The following VAV3 variants were observed in gnomAD, a reference collection of about 807,000 sequenced individuals.
The protein encoded by VAV3 is guanine nucleotide exchange factor VAV3.
In VAV3, 94 loss-of-function variants were observed where a neutral mutation model predicts 131.2. The ratio of observed to expected loss-of-function variants is 0.72; its 90% CI spans 0.61 to 0.85. VAV3 has a LOEUF of 0.85. Ranked by LOEUF, VAV3 falls within the 40% of genes least tolerant of loss-of-function variation. VAV3 has a pLI of 0.00. For synonymous variants in VAV3, 349 were observed against 342.0 expected (o/e 1.02, Z -0.22); for missense variants, 939 against 1,002.7 (o/e 0.94, Z 0.86).
intron 1 of VAV3, among the ~76,000 whole-genome samples, chr1:107,908,356 A>G (rs979406403): frequency 2.6e-5 from 4 of 152,150 alleles, no homozygotes; most frequent in Non-Finnish European, 5.9e-5. Flanking sequence ...GTGGCTTCCT[A>G]TGATTCTCTC....
intron 2 of VAV3, among the ~76,000 whole-genome samples, chr1:107,830,594 T>A (rs1668205708): frequency 6.6e-6 from 1 of 152,102 alleles, no homozygotes; most frequent in Non-Finnish European, 1.5e-5. Context: ...CTATAAAACA[T>A]CCCTCCAGCC....
chr1:107,613,413 C>T (rs972201313), intron 21 of VAV3, among the ~76,000 whole-genome samples: 4 of 152,072 alleles, frequency 2.6e-5, no homozygotes, highest in Admixed American at 2.0e-4. Context: ...TCTCTCTTAA[C>T]TGCTCCTTGA....
rs1663582259 is a variant in VAV3, at chr1:107,749,625, AAAT to A, written c.1260-34_1260-32del. 9 of 1,604,328 alleles carry A rather than the reference AAAT, an allele frequency of 5.6e-6. No individual in the cohort carries two copies. The Middle Eastern group carries it at 6.6e-4, about 118-fold the overall frequency. On this transcript the variant is annotated intron_variant, in intron 13 of 26. Transcript: ENST00000370056. The stretch of plus-strand genomic sequence containing the variant: ...AAAAAGAGATTGATTGATTGATTTT[AAAT>A]GGTTTAGAAACATGGGTTATTAATT...
At chr1:107,772,882 T>A (rs1360000006) in intron 4 of VAV3, 39 bp from the exon 5 acceptor site, 2 of 1,525,180 alleles carry the variant, frequency 1.3e-6, no homozygotes, top group Non-Finnish European at 1.8e-6. Context: ...TTTTCTATTA[T>A]GCAGTAAATG....
At chr1:107,724,630 G>C (rs561973987) in intron 15 of VAV3, among the ~76,000 whole-genome samples, 1 of 152,222 alleles carries the variant, frequency 6.6e-6, no homozygotes, top group South Asian at 2.1e-4. Flanking sequence ...ATAGGATGGG[G>C]GGTGGCACAG....
In VAV3 at chr1:107,606,763, A is replaced by G. The variant is rs868572988; in HGVS notation, c.2015+3168T>C. ...TCTCTTAATTTTGAAGATGTAAATAAAAGTTTTTTTAAGGTGTCTGCTCAC... is the reference window on the plus strand; with the variant it reads ...TCTCTTAATTTTGAAGATGTAAATAGAAGTTTTTTTAAGGTGTCTGCTCAC... On this transcript the variant is annotated intron_variant, in intron 22 of 26. Coordinates refer to ENST00000370056, the MANE Select transcript of VAV3 (RefSeq NM_006113.5). 2.7e-5 allele frequency among the ~76,000 whole-genome samples: 4 copies of G among 150,666 alleles called. No individual in the cohort carries two copies. The South Asian group carries it at 6.2e-4, about 24-fold the overall frequency.
At chr1:107,872,358 C>T (rs984495137) in intron 2 of VAV3, among the ~76,000 whole-genome samples, 1 of 152,106 alleles carries the variant, frequency 6.6e-6, no homozygotes, top group African/African-American at 2.4e-5. Context: ...CAAAAAGATG[C>T]CAAATACACA....
chr1:107,935,273 G>A (rs1220785500), intron 1 of VAV3, among the ~76,000 whole-genome samples: 5 of 152,140 alleles, frequency 3.3e-5, no homozygotes, highest in African/African-American at 1.2e-4. Flanking sequence ...TTTCATTCAA[G>A]TGAATAAATA....
At chr1:107,787,258 A>G (rs994886981) in intron 2 of VAV3, among the ~76,000 whole-genome samples, 1 of 152,206 alleles carries the variant, frequency 6.6e-6, no homozygotes, top group Admixed American at 6.5e-5. Flanking sequence ...TATTTACTGA[A>G]CACTTCATTC....
chr1:107,749,038 T>C lies in VAV3; in HGVS notation c.1432A>G (p.Asn478Asp), dbSNP rs1342709987. The C allele has an allele frequency of 1.9e-6, 3 of 1,612,308 alleles. No individual in the cohort carries two copies. The highest frequency in any genetic ancestry group is 8.5e-7 in the Non-Finnish European group (1 of 1,179,300). The change falls in exon 15 of 27, where the codon AAT becomes GAT. Residue 478 changes from asparagine (N) to aspartate (D), a missense_variant. Coordinates refer to ENST00000370056, the MANE Select transcript of VAV3 (RefSeq NM_006113.5). ...GTTTTGCAATAAAATTCTAACCCAT[T>C]TTGTCCTTGGGTATGGATGAGGTAG... Reference protein sequence around the residue: ...GFYLIHTQGQNGLEFYCKTKD... With the variant: ...GFYLIHTQGQDGLEFYCKTKD...
intron 1 of VAV3, among the ~76,000 whole-genome samples, chr1:107,954,362 T>C (rs345273): frequency 0.92 from 139,628 of 152,088 alleles, 64,433 homozygotes; most frequent in Middle Eastern, 0.98. Context: ...ATTAAAAGGC[T>C]AAAAAGGAAC....
intron 2 of VAV3, among the ~76,000 whole-genome samples, chr1:107,837,508 T>C (rs1291843896): frequency 6.6e-6 from 1 of 152,104 alleles, no homozygotes; most frequent in African/African-American, 2.4e-5. Context: ...ACTAGCAATG[T>C]CATTTTTCAC....
At chr1:107,587,212 A>C (rs958594399) in intron 25 of VAV3, among the ~76,000 whole-genome samples, 2 of 152,228 alleles carry the variant, frequency 1.3e-5, no homozygotes, top group African/African-American at 4.8e-5. Flanking sequence ...CAATGAATGA[A>C]AGTATAACTT....
intron 2 of VAV3, among the ~76,000 whole-genome samples, chr1:107,821,707 GA>G (rs1443792380): frequency 9.2e-5 from 14 of 152,224 alleles, no homozygotes; most frequent in African/African-American, 2.9e-4. Flanking sequence ...CACAGTGTGA[GA>G]TGAACTGTTA....
chr1:107,819,661 G>A (rs115493790), intron 2 of VAV3, among the ~76,000 whole-genome samples: 3,038 of 152,102 alleles, frequency 0.02, 96 homozygotes, highest in African/African-American at 0.07. Context: ...GGAAAAATTC[G>A]ATTGGGGGAA....
intron 20 of VAV3, among the ~76,000 whole-genome samples, chr1:107,620,526 C>T (rs943852037): frequency 6.6e-6 from 1 of 152,040 alleles, no homozygotes; most frequent in Non-Finnish European, 1.5e-5. Flanking sequence ...TGTATAACTA[C>T]ACTCCATAAC....
chr1:107,675,555 T>C (rs1343588217), intron 19 of VAV3, among the ~76,000 whole-genome samples: 1 of 152,160 alleles, frequency 6.6e-6, no homozygotes, highest in Non-Finnish European at 1.5e-5. Flanking sequence ...GATCTCTCCT[T>C]CTCTTTCTTT....
chr1:107,960,501 G>A (rs1329056101), intron 1 of VAV3, among the ~76,000 whole-genome samples: 1 of 151,800 alleles, frequency 6.6e-6, no homozygotes, highest in Non-Finnish European at 1.5e-5. Context: ...GGTAAATCAG[G>A]CCATGTCACT....
At chr1:107,694,719 C>T (rs1040933647) in intron 17 of VAV3, among the ~76,000 whole-genome samples, 1 of 152,078 alleles carries the variant, frequency 6.6e-6, no homozygotes, top group African/African-American at 2.4e-5. Flanking sequence ...TCTTCAGGGC[C>T]CAGAAGCCCT....
Sources: allele counts gnomAD v4.1 joint callset (sites outside exome capture counted in the v4.1 genomes callset), GRCh38; gene constraint gnomAD v4.1.1; transcripts MANE v1.5; gene names NCBI Gene and HGNC (gene_info 2026-07-23, HGNC 2026-07-21).